Variants in PDE1A observed in about 807,000 individuals in gnomAD.
PDE1A encodes the protein phosphodiesterase 1A, also known as dual specificity calcium/calmodulin-dependent 3',5'-cyclic nucleotide phosphodiesterase 1A.
PDE1A carries 35 observed loss-of-function variants against 61.7 expected under a neutral mutation model. The ratio of observed to expected loss-of-function variants is 0.57; its 90% CI spans 0.43 to 0.75. PDE1A has a LOEUF of 0.75. PDE1A is among the 30% of genes least tolerant of loss of function. The pLI, the probability that PDE1A is intolerant of heterozygous loss-of-function variation, is 0.00. For synonymous variants in PDE1A, 232 were observed against 213.2 expected (o/e 1.09, Z -0.77); for missense variants, 597 against 630.6 (o/e 0.95, Z 0.57).
At chr2:182,305,560 T>A (rs1695525448) in intron 1 of PDE1A, among the ~76,000 whole-genome samples, 2 of 152,116 alleles carry the variant, frequency 1.3e-5, no homozygotes, top group Non-Finnish European at 2.9e-5. Context: ...GGACAACACT[T>A]TGGAAATCCT....
chr2:182,677,619 C>G, the PDE1A span, among the ~76,000 whole-genome samples: 1 of 152,180 alleles, frequency 6.6e-6, no homozygotes, highest in Non-Finnish European at 1.5e-5. Flanking sequence ...GGCTACCTGA[C>G]TTCAAACGAT....
chr2:182,202,360 T>C (rs1325549863), intron 8 of PDE1A, among the ~76,000 whole-genome samples: 1 of 152,242 alleles, frequency 6.6e-6, no homozygotes, highest in Non-Finnish European at 1.5e-5. Flanking sequence ...GTGCTATTCA[T>C]TCAGTATTTA....
At chr2:182,277,993 C>T (rs1338828849) in intron 1 of PDE1A, among the ~76,000 whole-genome samples, 1 of 152,050 alleles carries the variant, frequency 6.6e-6, no homozygotes, top group Non-Finnish European at 1.5e-5. Context: ...CAATGTCAAT[C>T]AATTCACAGT....
the PDE1A span, among the ~76,000 whole-genome samples, chr2:182,542,642 A>C: frequency 6.6e-6 from 1 of 152,216 alleles, no homozygotes; most frequent in South Asian, 2.1e-4. Context: ...ATAAAATAGT[A>C]ATGCCTATTT....
In PDE1A at chr2:182,511,437, C is replaced by A. The variant is rs539564436; in HGVS notation, c.101+10839G>T. On this transcript the variant is annotated intron_variant, in intron 2 of 14. Coordinates refer to the PDE1A transcript ENST00000410103. ...GTGAGTAAAATAGGTGGGGAGTGGCCCACTCTCACCACAGACCTCCAGAAT... is the reference window on the plus strand; with the variant it reads ...GTGAGTAAAATAGGTGGGGAGTGGCACACTCTCACCACAGACCTCCAGAAT... Among the ~76,000 whole-genome samples the A allele has an allele frequency of 1.4e-4, 21 of 152,190 alleles. No homozygotes were observed. In the South Asian group the frequency reaches 2.7e-3, roughly 20 times the overall value.
chr2:182,601,040 C>A, the PDE1A span, among the ~76,000 whole-genome samples: 1 of 152,224 alleles, frequency 6.6e-6, no homozygotes, highest in Non-Finnish European at 1.5e-5. Context: ...TGTCACTTTT[C>A]TGGCCGGAAA....
chr2:182,654,516 T>C, the PDE1A span, among the ~76,000 whole-genome samples: 13 of 152,226 alleles, frequency 8.5e-5, no homozygotes, highest in African/African-American at 3.1e-4. Flanking sequence ...CTAGGGATCA[T>C]AGTAATATTC....
chr2:182,627,172 ATTTATATATAAAATATAAATATTATAT>A, the PDE1A span, among the ~76,000 whole-genome samples: 22 of 66,552 alleles, frequency 3.3e-4, no homozygotes, highest in Admixed American at 5.3e-4. Context: ...TATAAATAAT[ATTTATATATAAAATATAAATATTATAT>A]TATTTATATA....
chr2:182,511,230 T>C (rs1689762936), intron 2 of PDE1A, among the ~76,000 whole-genome samples: 1 of 151,636 alleles, frequency 6.6e-6, no homozygotes, highest in Non-Finnish European at 1.5e-5. Context: ...AGGAAAACCT[T>C]CTCTCACCAA....
the PDE1A span, among the ~76,000 whole-genome samples, chr2:182,674,083 G>T: frequency 6.7e-6 from 1 of 149,454 alleles, no homozygotes; most frequent in East Asian, 2.0e-4. Context: ...TGCTTTTATG[G>T]ATGATAAAGC....
the PDE1A span, among the ~76,000 whole-genome samples, chr2:182,646,632 C>T: frequency 4.0e-5 from 6 of 151,140 alleles, no homozygotes; most frequent in East Asian, 1.9e-4. Flanking sequence ...TGCAGTGAGC[C>T]GAGATCGCGC....
intron 1 of PDE1A, among the ~76,000 whole-genome samples, chr2:182,382,075 C>A (rs1700769743): frequency 6.6e-6 from 1 of 151,976 alleles, no homozygotes; most frequent in Non-Finnish European, 1.5e-5. Context: ...CTAGGAATGA[C>A]CCCCCAATAA....
At chr2:182,374,081 T>G (rs544223729) in intron 1 of PDE1A, among the ~76,000 whole-genome samples, 3 of 152,196 alleles carry the variant, frequency 2.0e-5, no homozygotes, top group African/African-American at 7.2e-5. Context: ...AAAGTACTAA[T>G]GTTCAAAAAA....
At chr2:182,588,003 C>G in the PDE1A span, among the ~76,000 whole-genome samples, 2 of 152,120 alleles carry the variant, frequency 1.3e-5, no homozygotes, top group Non-Finnish European at 2.9e-5. Flanking sequence ...TTTAACCAAG[C>G]AGTGACTGTG....
chr2:182,620,284 T>C, the PDE1A span, among the ~76,000 whole-genome samples: 1 of 152,252 alleles, frequency 6.6e-6, no homozygotes, highest in African/African-American at 2.4e-5. Context: ...ATTTGATTTG[T>C]AAAGCTTAAA....
the PDE1A span, among the ~76,000 whole-genome samples, chr2:182,531,348 A>C: frequency 6.7e-6 from 1 of 149,552 alleles, no homozygotes; most frequent in Non-Finnish European, 1.5e-5. Flanking sequence ...CAAATGTAAA[A>C]GCTCAAATGG....
exon 14 of PDE1A, chr2:182,168,283 T>A (rs199895074): frequency 3.8e-6 from 6 of 1,589,296 alleles, no homozygotes. Flanking sequence ...GTGAACTGGT[T>A]CTTGCTTCTG....
At chr2:182,157,019 A>T (rs76372371) in intron 13 of PDE1A, among the ~76,000 whole-genome samples, 45,354 of 120,124 alleles carry the variant, frequency 0.38, 8,439 homozygotes, top group East Asian at 0.63. Flanking sequence ...ATTTTATTTT[A>T]TTTTTTTTTT....
the PDE1A span, among the ~76,000 whole-genome samples, chr2:182,652,611 G>A: frequency 2.0e-5 from 3 of 152,030 alleles, no homozygotes; most frequent in South Asian, 4.2e-4. Flanking sequence ...TCCTCTTGAC[G>A]CAGTCCACCC....
Sources: allele counts gnomAD v4.1 joint callset (sites outside exome capture counted in the v4.1 genomes callset), GRCh38; gene constraint gnomAD v4.1.1; transcripts MANE v1.5; gene names NCBI Gene and HGNC (gene_info 2026-07-23, HGNC 2026-07-21).